Variants in ANKMY1 observed in about 807,000 individuals in gnomAD.
ANKMY1 encodes the protein ankyrin repeat and MYND domain-containing protein 1.
In ANKMY1, 98 loss-of-function variants were observed where a neutral mutation model predicts 102.0. The observed-to-expected ratio is 0.96, with a 90% confidence interval of 0.82 to 1.14. The LOEUF is 1.14. ANKMY1 is among the 50% of genes most tolerant of loss of function. ANKMY1 has a pLI of 0.00. For missense variants in ANKMY1, 1,330 were observed against 1,347.6 expected, an observed-to-expected ratio of 0.99 and a Z score of 0.20; for synonymous variants, 582 against 559.9, an observed-to-expected ratio of 1.04 and a Z score of -0.56.
intron 13 of ANKMY1, among the ~76,000 whole-genome samples, chr2:240,504,732 T>C (rs1041131543): frequency 6.6e-6 from 1 of 152,098 alleles, no homozygotes; most frequent in Non-Finnish European, 1.5e-5. Context: ...GAAGGCCGGG[T>C]GTGGTGGCTC....
rs118017408 is a variant in ANKMY1 at position 240,516,766 on chromosome 2, T to G, written c.2004+3596A>C. ...AACTTTGGAGATTGTGCCATTGGAT[T>G]AGAGAGGAAACTTCCAGGACTCTAA... On this transcript the variant is annotated intron_variant, in intron 9 of 17. Transcript: ENST00000401804. Among the ~76,000 whole-genome samples, 89 of 152,346 alleles carry G rather than the reference T, an allele frequency of 5.8e-4. 1 individual carries two copies. The East Asian group carries it at 0.015, about 25-fold the overall frequency.
chr2:240,560,423 G>C (rs1192275070), upstream of ANKMY1: 9 of 364,916 alleles, frequency 2.5e-5, no homozygotes, highest in African/African-American at 6.4e-5. Flanking sequence ...CAGAGAACAT[G>C]GGACGCAGAG....
In ANKMY1 at chr2:240,554,868, C is replaced by T. The variant is rs754304844; in HGVS notation, c.334G>A (p.Glu112Lys). The T allele has an allele frequency of 3.7e-6, 6 of 1,614,002 alleles. No individual in the cohort carries two copies. Among genetic ancestry groups the T allele is most frequent in the Admixed American group, 3.3e-5 (2 of 60,002 alleles). The stretch of plus-strand genomic sequence containing the variant: ...GGAGAAAGTGTGGAAGCAGTTACCT[C>T]GCCTGTGGGCCAAGAGAATTTGCCA... ...GYGKFSWPTG[E>K]SYHGQFYRDH... Residue 112 changes from glutamate to lysine, a missense_variant and splice_region_variant, in exon 3 of 18, where the codon GAG becomes AAG. Coordinates refer to ENST00000401804, the MANE Select transcript of ANKMY1 (RefSeq NM_001282771.3).
At chr2:240,535,642 C>T (rs573162033) in intron 4 of ANKMY1, among the ~76,000 whole-genome samples, 1 of 152,246 alleles carries the variant, frequency 6.6e-6, no homozygotes, top group Admixed American at 6.5e-5. Flanking sequence ...ATACCAGAGT[C>T]AGATTGAAAG....
intron 15 of ANKMY1, among the ~76,000 whole-genome samples, chr2:240,493,076 CA>C (rs1235097205): frequency 6.6e-6 from 1 of 152,104 alleles, no homozygotes; most frequent in African/African-American, 2.4e-5. Context: ...GTAATCCCAA[CA>C]CTTTGGGAGG....
intron 15 of ANKMY1, among the ~76,000 whole-genome samples, chr2:240,483,900 T>A (rs2075740197): frequency 6.6e-6 from 1 of 152,200 alleles, no homozygotes; most frequent in South Asian, 2.1e-4. Flanking sequence ...ATGTCCTCAT[T>A]GTTCAACTCC....
chr2:240,486,420 A>T (rs1001192330), intron 15 of ANKMY1, among the ~76,000 whole-genome samples: 2 of 152,250 alleles, frequency 1.3e-5, no homozygotes, highest in Non-Finnish European at 2.9e-5. Context: ...AAGAAGAAAT[A>T]TGCATTTATA....
intron 15 of ANKMY1, among the ~76,000 whole-genome samples, chr2:240,488,129 T>C (rs1316629981): frequency 1.3e-5 from 2 of 152,218 alleles, no homozygotes; most frequent in Admixed American, 6.5e-5. Flanking sequence ...CTTTAGTCCA[T>C]GTAGAGTCTA....
chr2:240,502,332 CCT>C (rs1241381916), intron 13 of ANKMY1, among the ~76,000 whole-genome samples: 1 of 152,020 alleles, frequency 6.6e-6, no homozygotes, highest in Non-Finnish European at 1.5e-5. Flanking sequence ...CTGGGATTCA[CCT>C]CTTAGTCTCA....
chr2:240,480,829 C>A, intron 17 of ANKMY1, 108 bp downstream of exon 17: 1 of 1,427,152 alleles, frequency 7.0e-7, no homozygotes, highest in Non-Finnish European at 9.4e-7. Context: ...TGGCCTGAAT[C>A]TGGAGAGATT....
chr2:240,474,984 T>C (rs916278568), downstream of ANKMY1, among the ~76,000 whole-genome samples: 1 of 152,242 alleles, frequency 6.6e-6, no homozygotes, highest in Non-Finnish European at 1.5e-5. Flanking sequence ...TTTTTAGCTC[T>C]TTGAGGAATC....
intron 4 of ANKMY1, among the ~76,000 whole-genome samples, chr2:240,542,152 G>A (rs1369653522): frequency 6.8e-6 from 1 of 147,798 alleles, no homozygotes; most frequent in Admixed American, 6.8e-5. Flanking sequence ...AGGCTGCAGT[G>A]AGCCAAGATT....
chr2:240,474,634 C>G (rs762998317), downstream of ANKMY1, among the ~76,000 whole-genome samples: 1 of 152,276 alleles, frequency 6.6e-6, no homozygotes, highest in South Asian at 2.1e-4. Flanking sequence ...ATGTTTTAAT[C>G]ATTTAGATCC....
intron 15 of ANKMY1, 147 bp from the exon 16 acceptor site, chr2:240,482,408 A>G: frequency 1.5e-6 from 1 of 666,082 alleles, no homozygotes; most frequent in Non-Finnish European, 2.4e-6. Context: ...ATGGCTCCAT[A>G]GTGGGTGCGA....
chr2:240,474,268 T>C, the ANKMY1 span, among the ~76,000 whole-genome samples: 1 of 144,706 alleles, frequency 6.9e-6, no homozygotes, highest in Non-Finnish European at 1.5e-5. Flanking sequence ...GCTAATTTTT[T>C]TTTTTTTTTT....
intron 4 of ANKMY1, among the ~76,000 whole-genome samples, chr2:240,530,223 G>A (rs969096234): frequency 2.0e-5 from 3 of 152,306 alleles, no homozygotes; most frequent in Non-Finnish European, 4.4e-5. Flanking sequence ...GCACAGTCAG[G>A]GGCCTGCTGC....
At chr2:240,555,762 G>A (rs565884460) in intron 2 of ANKMY1, among the ~76,000 whole-genome samples, 2 of 152,230 alleles carry the variant, frequency 1.3e-5, no homozygotes, top group South Asian at 2.1e-4. Flanking sequence ...CACAAAAGGC[G>A]TGGTGCCTCA....
chr2:240,524,249 G>T lies in ANKMY1; in HGVS notation c.1468C>A (p.Leu490Ile). Reference protein sequence around the residue: ...YELRPPPAPLLLPRVSGSHEG... With the variant: ...YELRPPPAPLILPRVSGSHEG... ...TGGCTGCCTGAGACGCGTGGCAGGA[G>T]CAGTGGTGCTGGCGGTGGCCTCAGC... The change falls in exon 8 of 18, where the codon CTC (leucine) becomes ATC (isoleucine). Residue 490 changes from leucine to isoleucine, a missense_variant. Physicochemically the swap from Leu to Ile is conservative, Grantham distance 5 (BLOSUM62 2). Coordinates refer to ENST00000401804, the MANE Select transcript of ANKMY1 (RefSeq NM_001282771.3). 1 of 1,613,916 alleles carries T rather than the reference G, an allele frequency of 6.2e-7. No homozygotes were observed. Among genetic ancestry groups the T allele is most frequent in the Non-Finnish European group, 8.5e-7 (1 of 1,180,040 alleles).
intron 9 of ANKMY1, among the ~76,000 whole-genome samples, chr2:240,518,616 T>C (rs1385038957): frequency 6.6e-6 from 1 of 152,222 alleles, no homozygotes; most frequent in Non-Finnish European, 1.5e-5. Flanking sequence ...TGTTCATTTC[T>C]GAACCCACTC....
Sources: gnomAD v4.1 joint callset for allele counts (sites outside exome capture counted in the v4.1 genomes callset) on GRCh38, gnomAD v4.1.1 for gene constraint, MANE v1.5 for transcripts, NCBI Gene and HGNC (gene_info 2026-07-23, HGNC 2026-07-21) for gene names.